The following ARAP2 variants were observed in gnomAD, a reference collection of about 807,000 sequenced individuals.
The protein encoded by ARAP2 is arf-GAP with Rho-GAP domain, ANK repeat and PH domain-containing protein 2.
A neutral mutation model predicts 194.5 loss-of-function variants in ARAP2; 148 were observed. The ratio of observed to expected loss-of-function variants is 0.76; its 90% CI spans 0.67 to 0.87. The LOEUF is 0.87. Among genes scored for constraint, ARAP2 ranks in the 40% least tolerant of loss-of-function variants. The pLI, the probability that ARAP2 is intolerant of heterozygous loss-of-function variation, is 0.00. For missense variants in ARAP2, 2,128 were observed against 1,989.7 expected (o/e 1.07, Z -1.32); for synonymous variants, 695 against 683.5 (o/e 1.02, Z -0.26).
At chr4:36,240,694 G>C (rs1158380144) in intron 1 of ARAP2, among the ~76,000 whole-genome samples, 2 of 152,190 alleles carry the variant, frequency 1.3e-5, no homozygotes, top group Non-Finnish European at 2.9e-5. Flanking sequence ...CTTCTGGATG[G>C]AGAATAATGG....
chr4:36,028,255 C>T (rs1161821946), intron 5 of ARAP2, among the ~76,000 whole-genome samples: 1 of 151,894 alleles, frequency 6.6e-6, no homozygotes, highest in Non-Finnish European at 1.5e-5. Flanking sequence ...ATGTATGTAG[C>T]GTTATAATTA....
intron 28 of ARAP2, 24 bp downstream of exon 28, chr4:36,091,857 T>C: frequency 6.4e-7 from 1 of 1,553,894 alleles, no homozygotes; most frequent in Non-Finnish European, 8.8e-7. Context: ...CAAATAAAAA[T>C]GTACGCATGT....
At chr4:36,142,274 CTTG>C (rs1241141230) in intron 19 of ARAP2, among the ~76,000 whole-genome samples, 1 of 151,646 alleles carries the variant, frequency 6.6e-6, no homozygotes, top group African/African-American at 2.4e-5. Context: ...ATCTTGCTCT[CTTG>C]TTTGTACTCT....
At chr4:36,050,730 T>C (rs1722526470) in intron 3 of ARAP2, among the ~76,000 whole-genome samples, 1 of 152,218 alleles carries the variant, frequency 6.6e-6, no homozygotes, top group Admixed American at 6.5e-5. Flanking sequence ...TATAGGTACT[T>C]TCATACAACT....
chr4:36,023,080 A>G (rs1328986478), intron 5 of ARAP2, among the ~76,000 whole-genome samples: 1 of 152,158 alleles, frequency 6.6e-6, no homozygotes, highest in African/African-American at 2.4e-5. Flanking sequence ...GGCATTCTCC[A>G]TTATTGTTTA....
intron 9 of ARAP2, among the ~76,000 whole-genome samples, chr4:36,167,889 T>C (rs895083898): frequency 6.6e-6 from 1 of 152,010 alleles, no homozygotes; most frequent in African/African-American, 2.4e-5. Context: ...AATTAAATAA[T>C]CTCCACACTT....
intron 2 of ARAP2, among the ~76,000 whole-genome samples, chr4:36,226,816 C>T (rs1368474391): frequency 1.3e-5 from 2 of 152,274 alleles, no homozygotes; most frequent in East Asian, 3.9e-4. Flanking sequence ...TTAGCACAGA[C>T]TGTTTGAAAC....
intron 4 of ARAP2, among the ~76,000 whole-genome samples, chr4:36,212,853 G>A (rs1426680141): frequency 6.6e-6 from 1 of 152,062 alleles, no homozygotes; most frequent in East Asian, 1.9e-4. Context: ...AGAAAAGAAT[G>A]AGTGATAAAC....
intron 8 of ARAP2, among the ~76,000 whole-genome samples, chr4:36,013,267 T>C (rs1714880917): frequency 6.6e-6 from 1 of 152,186 alleles, no homozygotes; most frequent in African/African-American, 2.4e-5. Context: ...TCTATAGCTC[T>C]GTGTACATGA....
At chr4:36,015,261 G>A (rs1345181807) in intron 8 of ARAP2, 1 of 152,148 alleles carries the variant, frequency 6.6e-6, no homozygotes, top group African/African-American at 2.4e-5. Context: ...CCTGTTCATA[G>A]GTAGTAAGAT....
chr4:36,233,275 T>C (rs1160227088), intron 1 of ARAP2, among the ~76,000 whole-genome samples: 1 of 152,158 alleles, frequency 6.6e-6, no homozygotes, highest in Non-Finnish European at 1.5e-5. Flanking sequence ...ATTGAAGCTC[T>C]CCATGTTTTG....
At position 36,162,839 on chromosome 4, in the gene ARAP2, A is replaced by T. The variant is rs186256358; in HGVS notation, c.2174-1289T>A. Among the ~76,000 whole-genome samples, 6 of 152,278 alleles carry T rather than the reference A, an allele frequency of 3.9e-5. No individual in the cohort carries two copies. The East Asian group carries it at 9.6e-4, about 24-fold the overall frequency. ...AAATGGAGCAGACAGATTGAGAGAG[A>T]TTGATAAGATAAAATGAATGAGACT... is the stretch of plus-strand genomic sequence containing the variant. On this transcript the variant is annotated intron_variant, in intron 11 of 32. Coordinates refer to ENST00000303965, the MANE Select transcript of ARAP2 (RefSeq NM_015230.4).
At chr4:36,170,858 C>CA (rs1180689200) in intron 9 of ARAP2, among the ~76,000 whole-genome samples, 1 of 151,126 alleles carries the variant, frequency 6.6e-6, no homozygotes, top group African/African-American at 2.4e-5. Context: ...CCTTTGGCTG[C>CA]AAAAAAGCAT....
chr4:36,156,435 GAAAGAAAGAGAA>G (rs1263022838), intron 15 of ARAP2, among the ~76,000 whole-genome samples: 1,325 of 55,088 alleles, frequency 0.024, 21 homozygotes, highest in African/African-American at 0.07. Flanking sequence ...AAGAAAGAAA[GAAAGAAAGAGAA>G]AGAAAGAAAG....
intron 2 of ARAP2, among the ~76,000 whole-genome samples, chr4:36,054,238 C>A (rs946189739): frequency 6.6e-6 from 1 of 152,134 alleles, no homozygotes; most frequent in East Asian, 1.9e-4. Context: ...GGTTAACTAA[C>A]CTTTTTATAC....
intron 11 of ARAP2, 36 bp from the exon 12 acceptor site, chr4:36,161,586 T>A: frequency 6.5e-7 from 1 of 1,528,702 alleles, no homozygotes; most frequent in South Asian, 1.1e-5. Flanking sequence ...CTATTTTAAT[T>A]TGTATGTAAA....
chr4:36,123,923 A>C (rs1411132992), intron 22 of ARAP2, among the ~76,000 whole-genome samples: 11 of 151,780 alleles, frequency 7.2e-5, no homozygotes. Context: ...CCTGGACCAC[A>C]ACACACAATG....
At chr4:36,166,669 AC>A (rs1334287041) in intron 10 of ARAP2, among the ~76,000 whole-genome samples, 4 of 151,890 alleles carry the variant, frequency 2.6e-5, no homozygotes, top group African/African-American at 7.2e-5. Context: ...CAAAAAAAAA[AC>A]ATACACCATG....
intron 19 of ARAP2, among the ~76,000 whole-genome samples, chr4:36,133,665 TCA>T (rs1410507616): frequency 6.6e-6 from 1 of 151,772 alleles, no homozygotes; most frequent in East Asian, 1.9e-4. Context: ...ATTGTGGCTA[TCA>T]CCTGTGACTT....
Sources: gnomAD v4.1 joint callset for allele counts (sites outside exome capture counted in the v4.1 genomes callset) on GRCh38, gnomAD v4.1.1 for gene constraint, MANE v1.5 for transcripts, NCBI Gene and HGNC (gene_info 2026-07-23, HGNC 2026-07-21) for gene names.